NKD2: variants seen among roughly 807,000 people sequenced by gnomAD.
NKD2 encodes protein naked cuticle homolog 2.
In NKD2, 43 loss-of-function variants were observed where a neutral mutation model predicts 34.8. The ratio of observed to expected loss-of-function variants is 1.24; its 90% CI spans 0.97 to 1.60. NKD2 has a LOEUF of 1.60. Ranked by LOEUF, NKD2 falls within the 40% of genes most tolerant of loss-of-function variation. NKD2 has a pLI of 0.00. For synonymous variants in NKD2, 278 were observed against 265.1 expected, an observed-to-expected ratio of 1.05 and a Z score of -0.47; for missense variants, 675 against 627.1, an observed-to-expected ratio of 1.08 and a Z score of -0.82.
Position 1,037,799 on chromosome 5 carries a change from C to A in NKD2, c.788-6C>A. On this transcript the variant is annotated splice_polypyrimidine_tract_variant and splice_region_variant and intron_variant, in intron 9 of 9. Transcript: ENST00000296849. ...CAGGGCCTCACACTCTGACCTGTGT[C>A]CGCAGGGTCCCCTCCTGTGCAAGCA... The A allele has an allele frequency of 1.3e-6, 2 of 1,564,562 alleles. No individual in the cohort carries two copies. The highest frequency in any genetic ancestry group is 8.6e-7 in the Non-Finnish European group (1 of 1,158,922).
chr5:1,014,949 G>A (rs1755889470), intron 3 of NKD2, among the ~76,000 whole-genome samples: 1 of 152,330 alleles, frequency 6.6e-6, no homozygotes, highest in South Asian at 2.1e-4. Flanking sequence ...CTCTGGACCC[G>A]GCTTCGGACC....
At chr5:1,025,983 C>T (rs111709446) in intron 3 of NKD2, among the ~76,000 whole-genome samples, 1 of 118,954 alleles carries the variant, frequency 8.4e-6, no homozygotes, top group Non-Finnish European at 1.8e-5. Context: ...CTGCTCTTCC[C>T]ACCCGCTAGT....
At position 1,038,387 on chromosome 5, in the gene NKD2, C is replaced by G. The variant is rs1287614813; in HGVS notation, c.*14C>G. On this transcript the variant is annotated 3_prime_UTR_variant, in exon 10 of 10. Coordinates refer to ENST00000296849, the MANE Select transcript of NKD2 (RefSeq NM_033120.4). This position sits in a 1 kb window ranked among gnomAD's most constrained non-coding sequence, Gnocchi z 4.5. ...CACCCGTCCTAGCGCCACTGCCAAG[C>G]ACACCTCGCTCCCAGCACACCACAG... is the stretch of plus-strand genomic sequence containing the variant. The G allele has an allele frequency of 6.5e-7, 1 of 1,535,750 alleles. No individual in the cohort carries two copies. The highest frequency in any genetic ancestry group is 8.7e-7 in the Non-Finnish European group (1 of 1,146,826).
At chr5:1,036,815 G>A (rs1202492142) in intron 9 of NKD2, 1 of 456,738 alleles carries the variant, frequency 2.2e-6, no homozygotes, top group Admixed American at 2.4e-5. Context: ...AGTGTGGACG[G>A]CAGGGCAGGC....
chr5:1,017,781 G>A (rs929342058), intron 3 of NKD2, among the ~76,000 whole-genome samples: 14 of 152,146 alleles, frequency 9.2e-5, no homozygotes, highest in African/African-American at 2.4e-4. Flanking sequence ...GTGCTGGGGT[G>A]CGGGTGAGGC....
intron 3 of NKD2, among the ~76,000 whole-genome samples, chr5:1,010,810 C>T (rs762406037): frequency 1.3e-5 from 2 of 152,134 alleles, no homozygotes; most frequent in Admixed American, 6.5e-5. Flanking sequence ...CTGGGGTGGG[C>T]GGGCGTTCAC....
intron 4 of NKD2, 88 bp downstream of exon 4, chr5:1,032,300 C>A: frequency 9.6e-7 from 1 of 1,040,540 alleles, no homozygotes. Flanking sequence ...CTTAAAACAA[C>A]CCCGTGTGCG....
chr5:1,014,484 C>T (rs1755871419), intron 3 of NKD2, among the ~76,000 whole-genome samples: 1 of 152,152 alleles, frequency 6.6e-6, no homozygotes, highest in Non-Finnish European at 1.5e-5. Flanking sequence ...GCCCTGGGCC[C>T]CTGCTGTGCA....
At chr5:1,034,692 G>A in intron 6 of NKD2, 64 bp from the exon 7 acceptor site, 1 of 1,536,918 alleles carries the variant, frequency 6.5e-7, no homozygotes, top group Admixed American at 1.7e-5. Context: ...GTGTTTTCTG[G>A]CAGGGAGGGC....
chr5:1,013,252 C>G (rs1418911954), intron 3 of NKD2, among the ~76,000 whole-genome samples: 1 of 152,212 alleles, frequency 6.6e-6, no homozygotes, highest in African/African-American at 2.4e-5. Flanking sequence ...GTTCCGGGAC[C>G]CTGTGTCCTC....
intron 3 of NKD2, among the ~76,000 whole-genome samples, chr5:1,018,660 G>C (rs1311420768): frequency 2.6e-5 from 4 of 152,174 alleles, no homozygotes; most frequent in African/African-American, 9.7e-5. Flanking sequence ...CCCACAGGCT[G>C]AGCCGAGCCC....
At chr5:1,031,382 G>A (rs1334573440) in intron 3 of NKD2, among the ~76,000 whole-genome samples, 3 of 152,204 alleles carry the variant, frequency 2.0e-5, no homozygotes, top group Non-Finnish European at 4.4e-5. Context: ...GCTCTGTGCT[G>A]TATCTCCTTG....
At chr5:1,037,524 T>G in intron 9 of NKD2, 1 of 1,535,774 alleles carries the variant, frequency 6.5e-7, no homozygotes, top group East Asian at 2.4e-5. Context: ...AAGCAGGGTC[T>G]CAGCTGTGCG....
intron 3 of NKD2, among the ~76,000 whole-genome samples, chr5:1,015,016 C>T (rs1473157843): frequency 2.0e-5 from 3 of 152,238 alleles, no homozygotes; most frequent in African/African-American, 7.2e-5. Context: ...CCTGCTTCCC[C>T]TTGTGGTCCT....
intron 3 of NKD2, among the ~76,000 whole-genome samples, chr5:1,017,565 C>T (rs1422025545): frequency 1.3e-5 from 2 of 152,250 alleles, no homozygotes; most frequent in African/African-American, 4.8e-5. Flanking sequence ...CTGTTTGTCA[C>T]AGGCTTGTCC....
chr5:1,009,402 C>T lies in NKD2; in HGVS notation c.62-79C>T. On this transcript the variant is annotated intron_variant, in intron 2 of 9. Transcript: ENST00000296849. This position sits in a 1 kb window ranked among gnomAD's most constrained non-coding sequence, Gnocchi z 6.9. ...CCAGGCGATGGGGACACAGCGAAGG[C>T]GCAGCGCCCGCGGGGCTCACGGCGC... 4 of 1,256,700 alleles carry T rather than the reference C, an allele frequency of 3.2e-6. No homozygotes were observed. The highest frequency in any genetic ancestry group is 2.5e-4 in the Middle Eastern group (1 of 4,056). 77.8% of individuals were successfully genotyped at this position (1,256,700 alleles called of 1,614,324 possible). A position where few individuals can be genotyped will look rare whatever the true frequency, so the allele number is the denominator to read the frequency against.
At chr5:1,034,704 G>A in intron 6 of NKD2, 52 bp from the exon 7 acceptor site, 2 of 1,573,098 alleles carry the variant, frequency 1.3e-6, no homozygotes, top group Non-Finnish European at 1.7e-6. Flanking sequence ...AGGGAGGGCG[G>A]GTGGTGTCCC....
chr5:1,009,761 G>C lies in NKD2; in HGVS notation c.141+201G>C, dbSNP rs1339227264. The stretch of plus-strand genomic sequence containing the variant: ...GCTCCCGTGGGGCGAGCCCTTGCTA[G>C]TGTCCCATGCTGAGTGGCGGGTAGG... On this transcript the variant is annotated intron_variant, in intron 3 of 9. Coordinates refer to ENST00000296849, the MANE Select transcript of NKD2 (RefSeq NM_033120.4). The surrounding 1 kb of genome is among the most constrained non-coding windows in gnomAD (Gnocchi z 6.9). Among the ~76,000 whole-genome samples, 1 of 152,182 alleles carries C rather than the reference G, an allele frequency of 6.6e-6. No individual in the cohort carries two copies. Among genetic ancestry groups the C allele is most frequent in the East Asian group, 1.9e-4 (1 of 5,168 alleles).
At position 1,009,318 on chromosome 5, in the gene NKD2, GA is replaced by G. The variant is rs1247721713; in HGVS notation, c.61+105del. ...CCTGCCCTGGAGCCAGCAGTGGGGG[GA>G]CGGGGCCGCGGGTCTCCAGGAGCGC... On this transcript the variant is annotated intron_variant, in intron 2 of 9. Coordinates refer to ENST00000296849, the MANE Select transcript of NKD2 (RefSeq NM_033120.4). The surrounding 1 kb of genome is among the most constrained non-coding windows in gnomAD (Gnocchi z 6.9). The G allele has an allele frequency of 9.6e-6, 5 of 521,232 alleles. No individual in the cohort carries two copies. In the East Asian group the frequency reaches 1.8e-4, roughly 19 times the overall value. 32.3% of individuals were successfully genotyped at this position (521,232 alleles called of 1,614,324 possible).
Sources: allele counts gnomAD v4.1 joint callset (sites outside exome capture counted in the v4.1 genomes callset), GRCh38; gene constraint gnomAD v4.1.1; non-coding constraint Gnocchi (gnomAD v3.1); transcripts MANE v1.5; gene names NCBI Gene and HGNC (gene_info 2026-07-23, HGNC 2026-07-21).